The following TUBGCP2 variants were observed in gnomAD, a reference collection of about 807,000 sequenced individuals.
TUBGCP2 encodes the protein gamma-tubulin complex component 2.
A neutral mutation model predicts 92.2 loss-of-function variants in TUBGCP2; 55 were observed. The observed-to-expected ratio is 0.60, with a 90% confidence interval of 0.48 to 0.75. The LOEUF (loss-of-function observed/expected upper bound fraction) is 0.75. Among genes scored for constraint, TUBGCP2 ranks in the 30% least tolerant of loss-of-function variants. The pLI is 0.00. For missense variants in TUBGCP2, 1,093 were observed against 1,188.9 expected, an observed-to-expected ratio of 0.92 and a Z score of 1.19; for synonymous variants, 533 against 505.2, an observed-to-expected ratio of 1.06 and a Z score of -0.74.
At chr10:133,295,649 C>G (rs1280134841) in intron 5 of TUBGCP2, 1 of 152,844 alleles carries the variant, frequency 6.5e-6, no homozygotes, top group Non-Finnish European at 1.5e-5. Flanking sequence ...GGGAGGGGCA[C>G]TGCGGAGGCG....
upstream of TUBGCP2, chr10:133,308,909 T>G: frequency 8.3e-7 from 1 of 1,209,038 alleles, no homozygotes; most frequent in Non-Finnish European, 1.0e-6. Context: ...TCGCGGACGG[T>G]GGCCGACAGG....
rs116441547 is a variant in TUBGCP2 at position 133,298,623 on chromosome 10, C to T, written c.457-512G>A. On this transcript the variant is annotated intron_variant, in intron 4 of 17. Coordinates refer to ENST00000252936, the MANE Select transcript of TUBGCP2 (RefSeq NM_006659.4). ...GAGCCTGCCCTCCTGCGCCAGTGGC[C>T]GCCAGAGGCTGATGGGGTCGGCCTG... 4.9e-3 allele frequency among the ~76,000 whole-genome samples: 743 copies of T among 152,366 alleles called. 6 individuals are homozygous for T. The highest frequency in any genetic ancestry group is 0.017 in the African/African-American group (693 of 41,592).
rs888356713 is a variant in TUBGCP2, at chr10:133,279,216, G to C, written c.*550C>G. On this transcript the variant is annotated 3_prime_UTR_variant, in exon 18 of 18. Transcript: ENST00000252936. ...AGGGTGCCTGAGGGCCCTGTCTGTG[G>C]CCTCCTGCCCTGGACCAGTTGGAGC... is the stretch of plus-strand genomic sequence containing the variant. 6.5e-6 allele frequency: 1 copy of C among 152,866 alleles called. No individual in the cohort carries two copies. The highest frequency in any genetic ancestry group is 1.5e-5 in the Non-Finnish European group (1 of 68,342). 9.5% of individuals were successfully genotyped at this position (152,866 alleles called of 1,614,324 possible).
At chr10:133,302,664 C>T (rs1847699910) in intron 2 of TUBGCP2, 128 bp downstream of exon 2, 1 of 1,230,014 alleles carries the variant, frequency 8.1e-7, no homozygotes, top group East Asian at 2.5e-5. Context: ...TGGTGCTCAC[C>T]CTGTACCACC....
Position 133,285,068 on chromosome 10 carries a change from G to T in TUBGCP2, c.2024+17C>A. On this transcript the variant is annotated intron_variant, in intron 13 of 17. Coordinates refer to ENST00000252936, the MANE Select transcript of TUBGCP2 (RefSeq NM_006659.4). This position sits in a 1 kb window ranked among gnomAD's most constrained non-coding sequence, Gnocchi z 6.8. ...CGCTGCTTCAGGAGGGCATGCGGGG[G>T]CAGAGGAAGAACGCACCACTGGGCG... 1.3e-6 allele frequency: 2 copies of T among 1,589,480 alleles called. No individual in the cohort carries two copies. The highest frequency in any genetic ancestry group is 1.1e-5 in the South Asian group (1 of 89,186).
chr10:133,289,214 C>T (rs1475493904), intron 9 of TUBGCP2, among the ~76,000 whole-genome samples, 194 bp from the exon 10 acceptor site: 1 of 152,242 alleles, frequency 6.6e-6, no homozygotes, highest in Non-Finnish European at 1.5e-5. Flanking sequence ...GCTCCACACC[C>T]TTGCTCCTTC....
At chr10:133,289,190 G>C (rs1295588020) in intron 9 of TUBGCP2, among the ~76,000 whole-genome samples, 170 bp from the exon 10 acceptor site, 1 of 152,186 alleles carries the variant, frequency 6.6e-6, no homozygotes, top group African/African-American at 2.4e-5. Flanking sequence ...ATGGAAACTG[G>C]GCTGCATGAG....
chr10:133,282,333 G>C lies in TUBGCP2; in HGVS notation c.2299C>G (p.Gln767Glu), dbSNP rs1034823355. Residue 767 changes from glutamine to glutamate, a missense_variant, in exon 16 of 18, where the codon CAG (glutamine) becomes GAG (glutamate). Physicochemically the swap from Gln to Glu is conservative, Grantham distance 29 (BLOSUM62 2). Coordinates refer to ENST00000252936, the MANE Select transcript of TUBGCP2 (RefSeq NM_006659.4). ...AGCTCGCCATCTAATTTCATGCTCT[G>C]TGTAAATTTCTAGGGGGGGAGAGTC... is the stretch of plus-strand genomic sequence containing the variant. ...MFTNCMQKFT[Q>E]SMKLDGELGG... The C allele has an allele frequency of 1.9e-6, 3 of 1,597,742 alleles. No homozygotes were observed. Among genetic ancestry groups the C allele is most frequent in the Non-Finnish European group, 2.6e-6 (3 of 1,169,568 alleles).
intron 17 of TUBGCP2, 52 bp downstream of exon 17, chr10:133,281,221 C>G: frequency 6.3e-7 from 1 of 1,589,240 alleles, no homozygotes; most frequent in Non-Finnish European, 8.5e-7. Flanking sequence ...TGGGCAGGGG[C>G]AGGCGCTGGA....
chr10:133,293,860 G>T, intron 5 of TUBGCP2, 91 bp from the exon 6 acceptor site: 2 of 1,267,310 alleles, frequency 1.6e-6, no homozygotes, highest in Non-Finnish European at 2.2e-6. Flanking sequence ...TCTCACTCTT[G>T]CTCATCTTTG....
chr10:133,309,650 A>T (rs1847941710), upstream of TUBGCP2: 3 of 1,313,746 alleles, frequency 2.3e-6, no homozygotes, highest in Non-Finnish European at 3.2e-6. Flanking sequence ...ATTCATAAAA[A>T]GAGGGTTTGG....
In TUBGCP2 at chr10:133,289,852, C is replaced by G; in HGVS notation, c.1332G>C (p.Gln444His). The G allele has an allele frequency of 6.2e-7, 1 of 1,614,210 alleles. No individual in the cohort carries two copies. The highest frequency in any genetic ancestry group is 8.5e-7 in the Non-Finnish European group (1 of 1,180,002). The change falls in exon 9 of 18, where the codon CAG (glutamine) becomes CAC (histidine). Residue 444 changes from glutamine (Q) to histidine (H), a missense_variant. Gln to His is a conservative substitution (Grantham distance 24, BLOSUM62 0). Around this residue, in one of 3 missense-constraint regions of TUBGCP2, gnomAD observed 598 missense variants for 675.5 expected, o/e 0.89. Coordinates refer to ENST00000252936, the MANE Select transcript of TUBGCP2 (RefSeq NM_006659.4). ...TGCTGAGGATCTTGTCCGCCATTTT[C>G]TGCAGGAAGGACGGGATCTGCTGCT... ...IVQQQIPSFL[Q>H]KMADKILSTG...
chr10:133,308,653 G>A (rs1847888353), intron 1 of TUBGCP2, 170 bp downstream of exon 1: 3 of 221,370 alleles, frequency 1.4e-5, no homozygotes, highest in African/African-American at 2.3e-5. Context: ...GGCCTGGCCG[G>A]TGCAGGCCCG....
At chr10:133,308,757 C>A (rs964673209) in intron 1 of TUBGCP2, 66 bp downstream of exon 1, 11 of 343,570 alleles carry the variant, frequency 3.2e-5, no homozygotes, top group Non-Finnish European at 5.2e-5. Context: ...CCTCGTGGGC[C>A]CCCCCGGGCC....
chr10:133,310,237 T>C (rs149909072), upstream of TUBGCP2: 202 of 1,614,002 alleles, frequency 1.3e-4, 4 homozygotes, highest in South Asian at 1.9e-3. Flanking sequence ...ATGGTGAGGA[T>C]GCACCTGTAC....
At chr10:133,291,899 GTCCGTGTCCCCCATGTCCC>G (rs1847329201) in intron 8 of TUBGCP2, among the ~76,000 whole-genome samples, 2 of 2,398 alleles carry the variant, frequency 8.3e-4, no homozygotes, top group Non-Finnish European at 1.5e-3. Flanking sequence ...AGCATGCACC[GTCCGTGTCCCCCATGTCCC>G]TCCGTGTCCC....
chr10:133,287,149 A>G (rs567528483), intron 11 of TUBGCP2, among the ~76,000 whole-genome samples: 112 of 152,372 alleles, frequency 7.4e-4, no homozygotes, highest in African/African-American at 2.5e-3. Flanking sequence ...TAAAAAGCAG[A>G]TACTAGAAAC....
Position 133,302,805 on chromosome 10 carries a change from G to T in TUBGCP2, c.137C>A (p.Ala46Asp), listed in dbSNP as rs749852184. The T allele has an allele frequency of 6.2e-7, 1 of 1,612,664 alleles. No homozygotes were observed. The highest frequency in any genetic ancestry group is 8.5e-7 in the Non-Finnish European group (1 of 1,179,980). The change falls in exon 2 of 18, where the codon GCT becomes GAT. Residue 46 changes from alanine (A) to aspartate (D), a missense_variant. Coordinates refer to ENST00000252936, the MANE Select transcript of TUBGCP2 (RefSeq NM_006659.4). ...RTPYVTTTVSAHSAKVKIAEF... is the reference protein window; with the variant it reads ...RTPYVTTTVSDHSAKVKIAEF... ...GGCAGTGCTCACCTTGGCACTGTGA[G>T]CAGAGACAGTGGTAGTGACGTACGG...
intron 5 of TUBGCP2, among the ~76,000 whole-genome samples, chr10:133,296,358 C>G (rs1847487363): frequency 6.6e-6 from 1 of 152,178 alleles, no homozygotes; most frequent in Non-Finnish European, 1.5e-5. Flanking sequence ...CTCTCAGGTG[C>G]CCACCACTCC....
Sources: allele counts gnomAD v4.1 joint callset (sites outside exome capture counted in the v4.1 genomes callset), GRCh38; gene constraint gnomAD v4.1.1; regional missense constraint gnomAD v4.1.1; non-coding constraint Gnocchi (gnomAD v3.1); transcripts MANE v1.5; gene names NCBI Gene and HGNC (gene_info 2026-07-23, HGNC 2026-07-21).